Variants in LY9 observed in about 807,000 individuals in gnomAD.
The protein encoded by LY9 is T-lymphocyte surface antigen Ly-9.
LY9 carries 59 observed loss-of-function variants against 64.6 expected under a neutral mutation model. The ratio of observed to expected loss-of-function variants is 0.91; its 90% CI spans 0.74 to 1.13. LY9 has a LOEUF of 1.13. Ranked by LOEUF, LY9 falls within the 50% of genes most tolerant of loss-of-function variation. LY9 has a pLI of 0.00. For synonymous variants in LY9, 281 were observed against 308.5 expected, an observed-to-expected ratio of 0.91 and a Z score of 0.93; for missense variants, 789 against 797.2, an observed-to-expected ratio of 0.99 and a Z score of 0.12.
intron 2 of LY9, chr1:160,801,790 C>G: frequency 4.3e-6 from 7 of 1,610,460 alleles, no homozygotes; most frequent in Non-Finnish European, 5.9e-6. Context: ...ATTTTCCCAG[C>G]ACCATTTATT....
intron 7 of LY9, among the ~76,000 whole-genome samples, chr1:160,821,151 T>TTAAAAA (rs376576623): frequency 1.9e-5 from 2 of 105,094 alleles, no homozygotes; most frequent in African/African-American, 7.6e-5. Context: ...GAAACTTTGC[T>TTAAAAA]AAAAAAAAAA....
chr1:160,812,497 A>G (rs567265406), intron 2 of LY9: 3 of 152,348 alleles, frequency 2.0e-5, no homozygotes, highest in East Asian at 1.9e-4. Context: ...AATTCTGTGC[A>G]GTTAATAGAA....
chr1:160,820,622 C>A (rs1247976951), intron 7 of LY9, among the ~76,000 whole-genome samples: 1 of 152,018 alleles, frequency 6.6e-6, no homozygotes, highest in Non-Finnish European at 1.5e-5. Flanking sequence ...TCACTACTGA[C>A]AGGACAGAGC....
In LY9 at chr1:160,823,722, G is replaced by T. The variant is rs201014786; in HGVS notation, c.1756G>T (p.Val586Phe). ...APEGQADYDP[V>F]TPYVTEVESV... ...TGAGGGCCAAGCAGACTATGATCCC[G>T]TCACTCCATATGTCACGGAAGTTGA... The change falls in exon 8 of 10, where the codon GTC (valine) becomes TTC (phenylalanine). Residue 586 changes from valine (V) to phenylalanine (F), a missense_variant. Physicochemically the swap from Val to Phe is conservative, Grantham distance 50 (BLOSUM62 -1). Transcript: ENST00000263285. 6.2e-6 allele frequency: 10 copies of T among 1,614,178 alleles called. No homozygotes were observed. Among genetic ancestry groups the T allele is most frequent in the Non-Finnish European group, 7.6e-6 (9 of 1,180,014 alleles).
chr1:160,805,692 G>GT (rs768162846), intron 2 of LY9, among the ~76,000 whole-genome samples: 44 of 151,882 alleles, frequency 2.9e-4, no homozygotes, highest in Admixed American at 1.7e-3. Context: ...TGAGAGTGGA[G>GT]TGCTGAAGTC....
chr1:160,806,161 A>G (rs1666975822), intron 2 of LY9, among the ~76,000 whole-genome samples: 1 of 152,012 alleles, frequency 6.6e-6, no homozygotes, highest in Non-Finnish European at 1.5e-5. Context: ...AATTTAATCC[A>G]TTTACATTCA....
At chr1:160,801,023 A>G (rs887089396) in intron 2 of LY9, among the ~76,000 whole-genome samples, 5 of 152,282 alleles carry the variant, frequency 3.3e-5, no homozygotes, top group Admixed American at 2.6e-4. Flanking sequence ...CAATAAACAT[A>G]CAAATGCAGG....
intron 2 of LY9, chr1:160,802,406 G>A: frequency 3.0e-6 from 3 of 986,576 alleles, no homozygotes; most frequent in Non-Finnish European, 3.6e-6. Flanking sequence ...TGCGTGGGAG[G>A]TCACCGGCCA....
intron 8 of LY9, 90 bp downstream of exon 8, chr1:160,823,886 C>A: frequency 9.0e-7 from 1 of 1,105,948 alleles, no homozygotes; most frequent in Non-Finnish European, 1.3e-6. Context: ...AAACTGGGGG[C>A]TGGGGCCTGG....
At chr1:160,802,196 T>G in intron 2 of LY9, 1 of 1,195,822 alleles carries the variant, frequency 8.4e-7, no homozygotes, top group Non-Finnish European at 1.0e-6. Context: ...GGGTTTGTGC[T>G]TGGTCTTTCT....
intron 5 of LY9, 109 bp from the exon 6 acceptor site, chr1:160,818,109 C>T (rs1242065666): frequency 4.2e-6 from 3 of 713,928 alleles, no homozygotes; most frequent in Non-Finnish European, 7.3e-6. Context: ...CTTTCCACAA[C>T]GTCATGGATT....
chr1:160,812,154 C>T (rs1263490874), intron 2 of LY9: 7 of 152,218 alleles, frequency 4.6e-5, no homozygotes, highest in African/African-American at 1.7e-4. Flanking sequence ...TCTGCGGCCT[C>T]TCTCCTTGGC....
At chr1:160,819,631 A>T (rs539433) in intron 7 of LY9, among the ~76,000 whole-genome samples, 91,004 of 151,220 alleles carry the variant, frequency 0.6, 27,896 homozygotes, top group South Asian at 0.75. Flanking sequence ...CTCTACTAAA[A>T]ATAGAAAAAA....
At chr1:160,797,785 G>C (rs905680853) in intron 1 of LY9, among the ~76,000 whole-genome samples, 2 of 152,058 alleles carry the variant, frequency 1.3e-5, no homozygotes, top group African/African-American at 2.4e-5. Context: ...TTAGTGATGA[G>C]GGCCTCTATT....
intron 2 of LY9, chr1:160,802,472 A>C: frequency 1.0e-6 from 1 of 985,708 alleles, no homozygotes. Context: ...GGCTGCACCC[A>C]TGATGCGGAG....
At chr1:160,796,495 C>T (rs1485666015) in intron 1 of LY9, among the ~76,000 whole-genome samples, 184 bp downstream of exon 1, 8 of 152,020 alleles carry the variant, frequency 5.3e-5, no homozygotes, top group Admixed American at 2.0e-4. Flanking sequence ...TGGGTTCAAG[C>T]GATTCTCCTA....
rs752629374 is a variant in LY9, at chr1:160,823,534, G to A, written c.1568G>A (p.Arg523Lys). 33 of 1,614,156 alleles carry A rather than the reference G, an allele frequency of 2.0e-5. No individual in the cohort carries two copies. In the South Asian group the frequency reaches 3.4e-4, roughly 17 times the overall value. Reference protein sequence around the residue: ...QGYEKLDTPLRPARQQPTPTS... With the variant: ...QGYEKLDTPLKPARQQPTPTS... Reference sequence around the variant, plus strand: ...TATGAGAAGCTGGACACTCCCCTCAGGCCTGCCAGGCAACAGCCTACACCC... The same window carrying A: ...TATGAGAAGCTGGACACTCCCCTCAAGCCTGCCAGGCAACAGCCTACACCC... The change falls in exon 8 of 10, where the codon AGG (arginine) becomes AAG (lysine). Residue 523 changes from arginine (R) to lysine (K), a missense_variant. By Grantham distance (26) the Arg-to-Lys change is conservative. Transcript: ENST00000263285.
chr1:160,803,389 G>T (rs2101752181), intron 2 of LY9, among the ~76,000 whole-genome samples: 1 of 152,194 alleles, frequency 6.6e-6, no homozygotes, highest in East Asian at 1.9e-4. Flanking sequence ...TGGGCAATAT[G>T]GTCATTTTAA....
chr1:160,827,031 T>C (rs917653107), intron 9 of LY9, among the ~76,000 whole-genome samples: 2 of 152,208 alleles, frequency 1.3e-5, no homozygotes, highest in African/African-American at 4.8e-5. Context: ...TAAGTTGAAA[T>C]CATTGCATTT....
Sources: gnomAD v4.1 joint callset for allele counts (sites outside exome capture counted in the v4.1 genomes callset) on GRCh38, gnomAD v4.1.1 for gene constraint, MANE v1.5 for transcripts, NCBI Gene and HGNC (gene_info 2026-07-23, HGNC 2026-07-21) for gene names.